The following SFTPA2 variants were observed in gnomAD, a reference collection of about 807,000 sequenced individuals.
SFTPA2 encodes surfactant protein A2.
A neutral mutation model predicts 20.3 loss-of-function variants in SFTPA2; 21 were observed. The ratio of observed to expected loss-of-function variants is 1.03; its 90% CI spans 0.73 to 1.49. The LOEUF (loss-of-function observed/expected upper bound fraction) is 1.49. Among genes scored for constraint, SFTPA2 ranks in the 40% most tolerant of loss-of-function variants. The probability of loss-of-function intolerance (pLI) is 0.00; values close to 1 mark genes in which losing one functional copy is unlikely to be tolerated. For missense variants in SFTPA2, 302 were observed against 314.8 expected, an observed-to-expected ratio of 0.96 and a Z score of 0.31; for synonymous variants, 116 against 118.7, an observed-to-expected ratio of 0.98 and a Z score of 0.15.
At chr10:79,558,333 C>A in intron 4 of SFTPA2, 1 of 796,186 alleles carries the variant, frequency 1.3e-6, no homozygotes, top group Non-Finnish European at 1.5e-6. Context: ...TGAAGCCTTG[C>A]CCCTGCTGAG....
At chr10:79,557,779 A>C (rs549874759) in intron 5 of SFTPA2, among the ~76,000 whole-genome samples, 194 bp from the exon 6 acceptor site, 4 of 152,334 alleles carry the variant, frequency 2.6e-5, no homozygotes, top group South Asian at 2.1e-4. Flanking sequence ...TCATCTAAGT[A>C]ACAATTACTT....
In SFTPA2 at chr10:79,559,011, G is replaced by C. The variant is rs1859007324; in HGVS notation, c.173-6C>G. On this transcript the variant is annotated splice_polypyrimidine_tract_variant and splice_region_variant and intron_variant, in intron 3 of 5. Coordinates refer to ENST00000372325, the MANE Select transcript of SFTPA2 (RefSeq NM_001098668.4). ...TCCAGGCGGACCCATGGGGCCTGCAGAGAAAAGAGACATGGATGTGTAGGA... is the reference window on the plus strand; with the variant it reads ...TCCAGGCGGACCCATGGGGCCTGCACAGAAAAGAGACATGGATGTGTAGGA... The C allele has an allele frequency of 5.0e-6, 8 of 1,614,194 alleles. No homozygotes were observed. The Middle Eastern group carries it at 5.0e-4, about 100-fold the overall frequency.
At position 79,555,992 on chromosome 10, in the gene SFTPA2, A is replaced by C. The variant is rs1858754751; in HGVS notation, c.*1217T>G. Reference sequence around the variant, plus strand: ...CCAGTCTTTGCCATTTGCTCTCTGAAATAACACTCAAAACATTTCACTCCT... The same window carrying C: ...CCAGTCTTTGCCATTTGCTCTCTGACATAACACTCAAAACATTTCACTCCT... On this transcript the variant is annotated 3_prime_UTR_variant, in exon 6 of 6. Transcript: ENST00000372325. The C allele has an allele frequency of 6.5e-6, 1 of 153,086 alleles. No homozygotes were observed. The highest frequency in any genetic ancestry group is 1.5e-5 in the Non-Finnish European group (1 of 68,048). 9.5% of individuals were successfully genotyped at this position (153,086 alleles called of 1,614,324 possible).
chr10:79,559,725 A>G (rs1189319736), intron 2 of SFTPA2: 4 of 1,546,466 alleles, frequency 2.6e-6, no homozygotes, highest in Non-Finnish European at 3.5e-6. Flanking sequence ...TGGGGTCTCA[A>G]GACTGCTGAG....
chr10:79,559,614 C>G, intron 2 of SFTPA2, 108 bp from the exon 3 acceptor site: 1 of 1,583,086 alleles, frequency 6.3e-7, no homozygotes, highest in Non-Finnish European at 8.6e-7. Flanking sequence ...GCAGGGCGGG[C>G]GAGACCAGAG....
At position 79,557,311 on chromosome 10, in the gene SFTPA2, C is replaced by G. The variant is rs1328038059; in HGVS notation, c.645G>C (p.Glu215Asp). The G allele has an allele frequency of 6.2e-7, 1 of 1,613,548 alleles. No individual in the cohort carries two copies. Among genetic ancestry groups the G allele is most frequent in the South Asian group, 1.1e-5 (1 of 91,082 alleles). Residue 215 changes from glutamate (E) to aspartate (D), a missense_variant, in exon 6 of 6, where the codon GAG becomes GAC. By Grantham distance (45) the Glu-to-Asp change is conservative. Coordinates refer to ENST00000372325, the MANE Select transcript of SFTPA2 (RefSeq NM_001098668.4). ...ACTGCTCTTTTCCCCGACCTGCAGG[C>G]TCCCCTCGGTACCAGTTGGTGTAGT... ...PVNYTNWYRGEPAGRGKEQCV... is the reference protein window; with the variant it reads ...PVNYTNWYRGDPAGRGKEQCV...
At chr10:79,559,883 G>C (rs1336941296) in intron 2 of SFTPA2, 86 bp downstream of exon 2, 1 of 1,380,726 alleles carries the variant, frequency 7.2e-7, no homozygotes, top group African/African-American at 1.5e-5. Flanking sequence ...CAGAAAACCT[G>C]CCCTGTCCCT....
chr10:79,559,683 G>T lies in SFTPA2; in HGVS notation c.-23-177C>A, dbSNP rs746928576. ...CAAGCATCACCTGGCACCTGGCATG[G>T]CCTCATGCTTCAGGCCTCCGGCTGG... On this transcript the variant is annotated intron_variant, in intron 2 of 5. Coordinates refer to ENST00000372325, the MANE Select transcript of SFTPA2 (RefSeq NM_001098668.4). The T allele has an allele frequency of 3.2e-5, 49 of 1,551,646 alleles. 1 individual carries two copies. The Admixed American group carries it at 9.6e-4, about 30-fold the overall frequency.
chr10:79,558,056 C>T lies in SFTPA2; in HGVS notation c.366G>A (p.Arg122=). 1 of 1,614,108 alleles carries T rather than the reference C, an allele frequency of 6.2e-7. No individual in the cohort carries two copies. The highest frequency in any genetic ancestry group is 8.5e-7 in the Non-Finnish European group (1 of 1,180,006). ...AGGCCCAGGGGGTCCCCTTACCTCCCCTTGTCTGCAGGATTTGATGTCTGA... is the reference window on the plus strand; with the variant it reads ...AGGCCCAGGGGGTCCCCTTACCTCCTCTTGTCTGCAGGATTTGATGTCTGA... The part of the protein sequence containing the change: ...HDFRHQILQT[R]GALSLQGSIM... The change falls in exon 5 of 6, where the codon AGG becomes AGA. Residue 122 remains arginine, a synonymous_variant. Coordinates refer to ENST00000372325, the MANE Select transcript of SFTPA2 (RefSeq NM_001098668.4).
Position 79,556,076 on chromosome 10 carries a change from GTA to G in SFTPA2, c.*1131_*1132del, listed in dbSNP as rs1396000511. ...AACAATACTGGTCCCGTGACATTGTGTAAAGATTGAATAGTACATAATAAACT... is the reference window on the plus strand; with the variant it reads ...AACAATACTGGTCCCGTGACATTGTGAAGATTGAATAGTACATAATAAACT... On this transcript the variant is annotated 3_prime_UTR_variant, in exon 6 of 6. Transcript: ENST00000372325. 3.1e-5 allele frequency: 5 copies of G among 162,506 alleles called. No individual in the cohort carries two copies. The highest frequency in any genetic ancestry group is 5.9e-5 in the Non-Finnish European group (4 of 68,104). The allele number at this position is 162,506 out of a possible 1,614,324, so 10.1% of individuals were successfully genotyped here. A position where few individuals can be genotyped will look rare whatever the true frequency, so the allele number is the denominator to read the frequency against.
At chr10:79,559,647 C>T (rs534243011) in intron 2 of SFTPA2, 141 bp from the exon 3 acceptor site, 24 of 1,561,864 alleles carry the variant, frequency 1.5e-5, no homozygotes, top group African/African-American at 2.7e-5. Context: ...CCGAAGCACC[C>T]GGGAAAATTC....
intron 2 of SFTPA2, 194 bp from the exon 3 acceptor site, chr10:79,559,700 T>G: frequency 6.4e-7 from 1 of 1,550,750 alleles, no homozygotes; most frequent in Non-Finnish European, 8.7e-7. Flanking sequence ...GCTTCAGGCC[T>G]CCGGCTGGAG....
intron 1 of SFTPA2, 164 bp from the exon 2 acceptor site, chr10:79,560,162 AT>A (rs1859115316): frequency 3.2e-6 from 1 of 316,774 alleles, no homozygotes; most frequent in African/African-American, 2.3e-5. Context: ...GTAGGGATGG[AT>A]CTGGCCAAGG....
chr10:79,559,150 C>G, intron 3 of SFTPA2, 145 bp from the exon 4 acceptor site: 2 of 1,554,796 alleles, frequency 1.3e-6, no homozygotes, highest in Non-Finnish European at 1.8e-6. Context: ...GATGCGCCAT[C>G]ATAAGGGCCC....
Position 79,557,346 on chromosome 10 carries a change from T to G in SFTPA2, c.610A>C (p.Thr204Pro). Reference protein sequence around the residue: ...SPGDFRYSDGTPVNYTNWYRG... With the variant: ...SPGDFRYSDGPPVNYTNWYRG... ...TACCAGTTGGTGTAGTTTACAGGGG[T>G]CCCATCTGAGTAGCGGAAGTCTCCA... The change falls in exon 6 of 6, where the codon ACC becomes CCC. Residue 204 changes from threonine (T) to proline (P), a missense_variant. By Grantham distance (38) the Thr-to-Pro change is conservative (BLOSUM62 -1). Around this residue, in one of 3 missense-constraint regions of SFTPA2, gnomAD observed 264 missense variants for 261.7 expected, o/e 1.01. Transcript: ENST00000372325. 6.2e-7 allele frequency: 1 copy of G among 1,614,064 alleles called. No individual in the cohort carries two copies. Among genetic ancestry groups the G allele is most frequent in the Non-Finnish European group, 8.5e-7 (1 of 1,179,994 alleles).
In SFTPA2 at chr10:79,557,127, G is replaced by T; in HGVS notation, c.*82C>A. 3 of 1,610,750 alleles carry T rather than the reference G, an allele frequency of 1.9e-6. No individual in the cohort carries two copies. In the South Asian group the frequency reaches 3.3e-5, roughly 18 times the overall value. ...TGAATTCTGTTGAAAGGGAGTTCTA[G>T]CATCTCACAGACCAAGTGGATCCTG... On this transcript the variant is annotated 3_prime_UTR_variant, in exon 6 of 6. Transcript: ENST00000372325.
rs780831236 is a variant in SFTPA2, at chr10:79,558,917, C to G, written c.261G>C (p.Glu87Asp). Residue 87 changes from glutamate to aspartate, a missense_variant, in exon 4 of 6, where the codon GAG becomes GAC. By Grantham distance (45) the Glu-to-Asp change is conservative (BLOSUM62 2). This residue lies in a region of SFTPA2 where 264 missense variants were observed against 261.7 expected (regional missense o/e 1.01). Transcript: ENST00000372325. The stretch of plus-strand genomic sequence containing the variant: ...GGCCTCTCTCGCCAGCCTCCCCCTT[C>G]TCTCCACGCTCTCCAGGGACACCAG... ...GAPGVPGERG[E>D]KGEAGERGPP... The G allele has an allele frequency of 6.2e-7, 1 of 1,614,136 alleles. No individual in the cohort carries two copies. Among genetic ancestry groups the G allele is most frequent in the Non-Finnish European group, 8.5e-7 (1 of 1,180,030 alleles).
chr10:79,559,704 G>A (rs1277413821), intron 2 of SFTPA2, 198 bp from the exon 3 acceptor site: 9 of 1,550,556 alleles, frequency 5.8e-6, no homozygotes, highest in African/African-American at 1.4e-5. Context: ...CAGGCCTCCG[G>A]CTGGAGGTTG....
At chr10:79,558,555 G>A (rs928777724) in intron 4 of SFTPA2, among the ~76,000 whole-genome samples, 2 of 151,984 alleles carry the variant, frequency 1.3e-5, no homozygotes, top group East Asian at 1.9e-4. Flanking sequence ...TGCCTCGTCC[G>A]CATTCACCCT....
Sources: allele counts gnomAD v4.1 joint callset (sites outside exome capture counted in the v4.1 genomes callset), GRCh38; gene constraint gnomAD v4.1.1; regional missense constraint gnomAD v4.1.1; transcripts MANE v1.5; gene names NCBI Gene and HGNC (gene_info 2026-07-23, HGNC 2026-07-21).